MBOAT7: variants seen among roughly 807,000 people sequenced by gnomAD.
MBOAT7 encodes membrane-bound acylglycerophosphatidylinositol O-acyltransferase MBOAT7.
Under a neutral mutation model 47.4 loss-of-function variants are expected in MBOAT7, and 40 were observed. That is an observed-to-expected ratio of 0.84 (90% CI 0.66 to 1.10). MBOAT7 has a LOEUF of 1.10. Among genes scored for constraint, MBOAT7 ranks in the 50% least tolerant of loss-of-function variants. The pLI is 0.00. For synonymous variants in MBOAT7, 361 were observed against 292.0 expected (o/e 1.24, Z -2.41); for missense variants, 680 against 655.6 (o/e 1.04, Z -0.41).
rs1600675842 is a variant in MBOAT7 at position 54,187,118 on chromosome 19, C to A, written c.333+43G>T. ...GGAGGTAAAGTGGGAGGTGAAGGGGCCCACAGGGAGGCTGGAGGGGAGTGG... is the reference window on the plus strand; with the variant it reads ...GGAGGTAAAGTGGGAGGTGAAGGGGACCACAGGGAGGCTGGAGGGGAGTGG... On this transcript the variant is annotated intron_variant, in intron 4 of 7. Transcript: ENST00000245615. 8 of 1,529,030 alleles carry A rather than the reference C, an allele frequency of 5.2e-6. No homozygotes were observed. In the East Asian group the frequency reaches 2.0e-4, roughly 37 times the overall value. The allele number at this position is 1,529,030 out of a possible 1,614,324, so 94.7% of individuals were successfully genotyped here. A position where few individuals can be genotyped will look rare whatever the true frequency, so the allele number is the denominator to read the frequency against.
In MBOAT7 at chr19:54,183,591, C is replaced by T. The variant is rs2076347215; in HGVS notation, c.423G>A (p.Gly141=). The change falls in exon 5 of 8, where the codon GGG becomes GGA. Residue 141 remains glycine, a synonymous_variant. Coordinates refer to ENST00000245615, the MANE Select transcript of MBOAT7 (RefSeq NM_024298.5). ...TCAGGGAGGGCACGTCGGGCAGCAGCCCCAGGGTGGGCCCCTTGCTGAAGC... is the reference window on the plus strand; with the variant it reads ...TCAGGGAGGGCACGTCGGGCAGCAGTCCCAGGGTGGGCCCCTTGCTGAAGC... ...ASGFSKGPTL[G]LLPDVPSLME... 1.7e-5 allele frequency: 28 copies of T among 1,608,460 alleles called. No homozygotes were observed. Among genetic ancestry groups the T allele is most frequent in the Non-Finnish European group, 2.3e-5 (27 of 1,177,632 alleles).
At chr19:54,183,938 G>A (rs888487024) in intron 4 of MBOAT7, among the ~76,000 whole-genome samples, 1 of 152,046 alleles carries the variant, frequency 6.6e-6, no homozygotes, top group Non-Finnish European at 1.5e-5. Context: ...CGCTGAGGAC[G>A]CCCAAACGCT....
chr19:54,181,165 A>G, intron 5 of MBOAT7, 32 bp from the exon 6 acceptor site: 1 of 1,451,510 alleles, frequency 6.9e-7, no homozygotes. Context: ...CCGCGGTCAG[A>G]CAGGCAGGTG....
At chr19:54,181,512 G>T (rs1264861848) in intron 5 of MBOAT7, among the ~76,000 whole-genome samples, 5 of 150,352 alleles carry the variant, frequency 3.3e-5, no homozygotes, top group Admixed American at 3.3e-4. Flanking sequence ...AAATCAGCCA[G>T]GTGTGGAGGG....
At position 54,180,366 on chromosome 19, in the gene MBOAT7, G is replaced by A. The variant is rs1181155903; in HGVS notation, c.854+407C>T. On this transcript the variant is annotated intron_variant, in intron 6 of 7. Coordinates refer to ENST00000245615, the MANE Select transcript of MBOAT7 (RefSeq NM_024298.5). The surrounding 1 kb of genome is among the most constrained non-coding windows in gnomAD (Gnocchi z 5.2). ...TCCTGCTTCCCTAGCAAATAGTGGC[G>A]TTCTGTTGCTAGGGAACCGTTTCCC... 3 of 167,386 alleles carry A rather than the reference G, an allele frequency of 1.8e-5. No homozygotes were observed. Among genetic ancestry groups the A allele is most frequent in the African/African-American group, 7.2e-5 (3 of 41,954 alleles). The allele number at this position is 167,386 out of a possible 1,614,324, so 10.4% of individuals were successfully genotyped here. A position where few individuals can be genotyped will look rare whatever the true frequency, so the allele number is the denominator to read the frequency against.
intron 4 of MBOAT7, chr19:54,186,912 A>G (rs2076442431): frequency 2.0e-6 from 1 of 511,572 alleles, no homozygotes; most frequent in East Asian, 3.1e-5. Context: ...GCACACCGCA[A>G]GCACCCAATG....
At chr19:54,181,210 G>A (rs2076262124) in intron 5 of MBOAT7, 77 bp from the exon 6 acceptor site, 2 of 1,427,004 alleles carry the variant, frequency 1.4e-6, no homozygotes, top group Admixed American at 2.9e-5. Flanking sequence ...AGGACAGGGA[G>A]CTTGGAAGGA....
At chr19:54,183,367 T>C (rs1449403428) in intron 5 of MBOAT7, among the ~76,000 whole-genome samples, 154 bp downstream of exon 5, 1 of 152,042 alleles carries the variant, frequency 6.6e-6, no homozygotes, top group Non-Finnish European at 1.5e-5. Flanking sequence ...CCAGCGGAGG[T>C]GTGAGACGTA....
chr19:54,187,857 A>T (rs1301628398), intron 3 of MBOAT7, among the ~76,000 whole-genome samples: 3 of 152,034 alleles, frequency 2.0e-5, no homozygotes, highest in Non-Finnish European at 1.5e-5. Context: ...CTCTATTAAA[A>T]ATTCAAGATT....
At chr19:54,177,068 G>A (rs995405519) in intron 7 of MBOAT7, among the ~76,000 whole-genome samples, 2 of 151,594 alleles carry the variant, frequency 1.3e-5, no homozygotes, top group East Asian at 1.9e-4. Flanking sequence ...CTCTTGGCAC[G>A]AGAATCACTT....
chr19:54,183,249 A>G (rs1345954242), intron 5 of MBOAT7, among the ~76,000 whole-genome samples: 1 of 152,168 alleles, frequency 6.6e-6, no homozygotes, highest in African/African-American at 2.4e-5. Context: ...GTTGACATAG[A>G]TCTTTACCTC....
At chr19:54,178,585 C>T (rs1411994991) in intron 7 of MBOAT7, 180 bp downstream of exon 7, 34 of 1,426,608 alleles carry the variant, frequency 2.4e-5, no homozygotes, top group South Asian at 2.3e-4. Flanking sequence ...AGAGGGGGAA[C>T]GATTTTACAC....
In MBOAT7 at chr19:54,185,124, C is replaced by T. The variant is rs187342029; in HGVS notation, c.334-1444G>A. Among the ~76,000 whole-genome samples, 614 of 151,936 alleles carry T rather than the reference C, an allele frequency of 4.0e-3. 1 individual carries two copies. The highest frequency in any genetic ancestry group is 0.014 in the African/African-American group (595 of 41,440). On this transcript the variant is annotated intron_variant, in intron 4 of 7. Coordinates refer to ENST00000245615, the MANE Select transcript of MBOAT7 (RefSeq NM_024298.5). ...ACTCGAGAGGCTGAGGCAGGAGAATCGCTCGAACCCGAGAGGCAGAGGTTG... is the reference window on the plus strand; with the variant it reads ...ACTCGAGAGGCTGAGGCAGGAGAATTGCTCGAACCCGAGAGGCAGAGGTTG...
At chr19:54,177,414 G>A (rs1219814949) in intron 7 of MBOAT7, among the ~76,000 whole-genome samples, 1 of 151,680 alleles carries the variant, frequency 6.6e-6, no homozygotes, top group East Asian at 1.9e-4. Context: ...TCCTGCCTCA[G>A]CCTCCCCAGT....
At position 54,175,268 on chromosome 19, in the gene MBOAT7, A is replaced by G. The variant is rs573328701; in HGVS notation, c.1032-837T>C. Among the ~76,000 whole-genome samples the G allele has an allele frequency of 2.8e-3, 419 of 152,112 alleles. 5 individuals are homozygous for G. The highest frequency in any genetic ancestry group is 7.6e-4 in the Non-Finnish European group (52 of 67,980). Reference sequence around the variant, plus strand: ...GCTGGGATCACAGGTGTCAGACACCACACCCGGGCAGCCCGGTGGTTCTTA... The same window carrying G: ...GCTGGGATCACAGGTGTCAGACACCGCACCCGGGCAGCCCGGTGGTTCTTA... On this transcript the variant is annotated intron_variant, in intron 7 of 7. Coordinates refer to ENST00000245615, the MANE Select transcript of MBOAT7 (RefSeq NM_024298.5).
intron 7 of MBOAT7, 79 bp downstream of exon 7, chr19:54,178,686 G>C (rs2076177946): frequency 6.4e-7 from 1 of 1,552,150 alleles, no homozygotes; most frequent in Admixed American, 1.9e-5. Context: ...GGCCCAGCCA[G>C]GGACGCTGCA....
intron 5 of MBOAT7, among the ~76,000 whole-genome samples, chr19:54,181,335 C>T (rs2146993869): frequency 6.6e-6 from 1 of 152,072 alleles, no homozygotes; most frequent in South Asian, 2.1e-4. Context: ...GGACAAGAAA[C>T]TCAGAGAGAC....
At chr19:54,176,046 G>C (rs932042113) in intron 7 of MBOAT7, among the ~76,000 whole-genome samples, 16 of 152,052 alleles carry the variant, frequency 1.1e-4, no homozygotes, top group African/African-American at 3.6e-4. Flanking sequence ...TAGTAGAGAT[G>C]GGGTTTCACC....
rs78453964 is a variant in MBOAT7 at position 54,174,383 on chromosome 19, C to T, written c.1080G>A (p.Pro360=). 1.3e-3 allele frequency: 2,093 copies of T among 1,605,176 alleles called. 11 individuals carry two copies. Among genetic ancestry groups the T allele is most frequent in the African/African-American group, 0.012 (884 of 74,664 alleles). The part of the protein sequence containing the change: ...LLSAYWHGLH[P]GYYLSFLTIP... ...TGGTCAGGAAGCTCAGGTAGTAGCCCGGGTGGAGGCCGTGCCAGTAGGCGC... is the reference window on the plus strand; with the variant it reads ...TGGTCAGGAAGCTCAGGTAGTAGCCTGGGTGGAGGCCGTGCCAGTAGGCGC... The change falls in exon 8 of 8, where the codon CCG becomes CCA. Residue 360 remains proline, a synonymous_variant. Transcript: ENST00000245615.
Sources: allele counts gnomAD v4.1 joint callset (sites outside exome capture counted in the v4.1 genomes callset), GRCh38; gene constraint gnomAD v4.1.1; non-coding constraint Gnocchi (gnomAD v3.1); transcripts MANE v1.5; gene names NCBI Gene and HGNC (gene_info 2026-07-23, HGNC 2026-07-21).